MCTP1: variants seen among roughly 807,000 people sequenced by gnomAD.
MCTP1 encodes multiple C2 and transmembrane domain containing 1, also known as multiple C2 and transmembrane domain-containing protein 1.
A neutral mutation model predicts 120.6 loss-of-function variants in MCTP1; 69 were observed. That is an observed-to-expected ratio of 0.57 (90% confidence interval 0.47 to 0.70). MCTP1 has a LOEUF of 0.70. Ranked by LOEUF, MCTP1 falls within the 30% of genes least tolerant of loss-of-function variation. The pLI is 0.00. For missense variants in MCTP1, 1,203 were observed against 1,248.8 expected, an observed-to-expected ratio of 0.96 and a Z score of 0.55; for synonymous variants, 529 against 493.1, an observed-to-expected ratio of 1.07 and a Z score of -0.96.
chr5:95,283,773 C>G, intron 1 of MCTP1, 83 bp downstream of exon 1: 2 of 1,152,580 alleles, frequency 1.7e-6, no homozygotes, highest in South Asian at 6.0e-5. Context: ...CGGCCCCCGC[C>G]CCCCGCTCCC....
At chr5:95,268,892 G>A (rs1256651010) in intron 1 of MCTP1, among the ~76,000 whole-genome samples, 3 of 152,176 alleles carry the variant, frequency 2.0e-5, no homozygotes, top group Admixed American at 2.0e-4. Flanking sequence ...CCATCGCTGG[G>A]TCAGGGTCTG....
chr5:94,736,317 T>C (rs553828172), intron 19 of MCTP1, among the ~76,000 whole-genome samples: 7 of 152,092 alleles, frequency 4.6e-5, no homozygotes, highest in African/African-American at 1.7e-4. Flanking sequence ...AGTGAGAACC[T>C]GTCTGTATGA....
chr5:95,094,850 T>C (rs1562138333), intron 1 of MCTP1, among the ~76,000 whole-genome samples: 2 of 152,126 alleles, frequency 1.3e-5, no homozygotes, highest in East Asian at 3.9e-4. Flanking sequence ...TATACCAGAT[T>C]TTTTTTCTGA....
At chr5:94,968,660 T>C (rs558268131) in intron 2 of MCTP1, among the ~76,000 whole-genome samples, 8 of 152,358 alleles carry the variant, frequency 5.3e-5, no homozygotes, top group Admixed American at 5.2e-4. Context: ...GCCAGTGCTG[T>C]TTTGTTGCAA....
intron 1 of MCTP1, among the ~76,000 whole-genome samples, chr5:95,237,381 GAGTA>G (rs1755666337): frequency 1.3e-5 from 2 of 152,266 alleles, no homozygotes; most frequent in African/African-American, 4.8e-5. Context: ...AAAAATAACG[GAGTA>G]AGTAATAGAC....
At chr5:94,937,876 T>C (rs1816597847) in intron 5 of MCTP1, among the ~76,000 whole-genome samples, 1 of 152,058 alleles carries the variant, frequency 6.6e-6, no homozygotes, top group Non-Finnish European at 1.5e-5. Flanking sequence ...CCAGGAATAT[T>C]GCAAGTTTAG....
At chr5:94,824,444 G>T (rs1414664897) in intron 17 of MCTP1, among the ~76,000 whole-genome samples, 1 of 152,156 alleles carries the variant, frequency 6.6e-6, no homozygotes, top group African/African-American at 2.4e-5. Flanking sequence ...GATTCGTTTT[G>T]CCAGTATTTT....
chr5:95,108,247 C>T (rs1226816468), intron 1 of MCTP1, among the ~76,000 whole-genome samples: 3 of 152,182 alleles, frequency 2.0e-5, no homozygotes, highest in Admixed American at 6.5e-5. Flanking sequence ...TTGTCAATCT[C>T]CCTTCAAGTG....
intron 17 of MCTP1, among the ~76,000 whole-genome samples, chr5:94,842,617 A>G (rs1791373747): frequency 6.6e-6 from 1 of 152,232 alleles, no homozygotes; most frequent in Admixed American, 6.5e-5. Context: ...TTGCAATATG[A>G]TAAAGATAGA....
chr5:94,877,192 G>A (rs926724439), intron 12 of MCTP1, among the ~76,000 whole-genome samples: 5 of 151,996 alleles, frequency 3.3e-5, no homozygotes, highest in Admixed American at 2.6e-4. Flanking sequence ...GAAGGATAAT[G>A]ACATAAAAAG....
intron 3 of MCTP1, among the ~76,000 whole-genome samples, chr5:94,947,950 C>G (rs1253868089): frequency 6.6e-6 from 1 of 151,862 alleles, no homozygotes; most frequent in Non-Finnish European, 1.5e-5. Context: ...CTTTAAAGGC[C>G]TAACCCATCT....
At chr5:95,004,565 C>T (rs185379135) in intron 2 of MCTP1, among the ~76,000 whole-genome samples, 1 of 152,222 alleles carries the variant, frequency 6.6e-6, no homozygotes, top group Non-Finnish European at 1.5e-5. Flanking sequence ...TGTGCCACCT[C>T]AGGACATGGC....
At position 94,868,343 on chromosome 5, in the gene MCTP1, G is replaced by C; in HGVS notation, c.2426C>G (p.Ala809Gly). 1 of 1,600,036 alleles carries C rather than the reference G, an allele frequency of 6.2e-7. No individual in the cohort carries two copies. The highest frequency in any genetic ancestry group is 8.5e-7 in the Non-Finnish European group (1 of 1,174,176). The change falls in exon 17 of 23, where the codon GCT becomes GGT. Residue 809 changes from alanine (A) to glycine (G), a missense_variant. Transcript: ENST00000515393. ...FDWDSPPRSLAAFVLFLFVVW... is the reference protein window; with the variant it reads ...FDWDSPPRSLGAFVLFLFVVW... ...ACAGTATGATCATACCACAAAAGCA[G>C]CGAGACTCCTTGGGGGTGAATCCCA... is the stretch of plus-strand genomic sequence containing the variant.
intron 16 of MCTP1, among the ~76,000 whole-genome samples, chr5:94,868,686 C>A (rs1334753972): frequency 6.6e-6 from 1 of 151,792 alleles, no homozygotes; most frequent in Admixed American, 6.6e-5. Context: ...GTAGGTTGGA[C>A]TACCTTTGCT....
intron 17 of MCTP1, among the ~76,000 whole-genome samples, chr5:94,863,885 T>C (rs926755235): frequency 4.6e-5 from 7 of 151,784 alleles, no homozygotes; most frequent in African/African-American, 1.5e-4. Context: ...GCATACAACA[T>C]CTTTGTTTTT....
rs1763147528 is a variant in MCTP1, at chr5:94,731,639, G to T, written c.2611-16753C>A. Among the ~76,000 whole-genome samples, 3 of 152,174 alleles carry T rather than the reference G, an allele frequency of 2.0e-5. No individual in the cohort carries two copies. The South Asian group carries it at 6.2e-4, about 32-fold the overall frequency. On this transcript the variant is annotated intron_variant, in intron 19 of 22. Coordinates refer to ENST00000515393, the MANE Select transcript of MCTP1 (RefSeq NM_024717.7). ...ATCTGCTCTTCCTCAAACATACTGT[G>T]CAGAGTTGATAGAAATTATTTTGAA...
Position 94,791,090 on chromosome 5 carries a change from C to T in MCTP1, c.2556+7923G>A, listed in dbSNP as rs182703550. On this transcript the variant is annotated intron_variant, in intron 18 of 22. Coordinates refer to ENST00000515393, the MANE Select transcript of MCTP1 (RefSeq NM_024717.7). ...GAGTTCCAGACCAGCCTAGCCAATA[C>T]GGCGAAATCCCGTCTCTACTACAAA... Among the ~76,000 whole-genome samples the T allele has an allele frequency of 5.7e-3, 705 of 124,576 alleles. 4 individuals are homozygous for T. Among genetic ancestry groups the T allele is most frequent in the African/African-American group, 0.02 (652 of 32,796 alleles). 81.7% of individuals were successfully genotyped at this position (124,576 alleles called of 152,430 possible).
Position 94,870,450 on chromosome 5 carries a change from CT to C in MCTP1, c.2282del (p.Lys761SerfsTer15). The C allele has an allele frequency of 6.2e-7, 1 of 1,612,168 alleles. No individual in the cohort carries two copies. The highest frequency in any genetic ancestry group is 8.5e-7 in the Non-Finnish European group (1 of 1,178,530). Reference sequence around the variant, plus strand: ...AGAGTCTGTTTTCCTCTTCAATGTACTTCTGTTCTTTGGGTATTAATGTTCG... The same window carrying C: ...AGAGTCTGTTTTCCTCTTCAATGTACTCTGTTCTTTGGGTATTAATGTTCG... ...SLRTLIPKEQ[K>X]YIEEENRLSK... On this transcript the variant is annotated frameshift_variant, in exon 16 of 23. Coordinates refer to ENST00000515393, the MANE Select transcript of MCTP1 (RefSeq NM_024717.7). LOFTEE classifies it high-confidence loss of function.
chr5:95,274,733 C>T (rs1759683075), intron 1 of MCTP1, among the ~76,000 whole-genome samples: 1 of 152,016 alleles, frequency 6.6e-6, no homozygotes, highest in Non-Finnish European at 1.5e-5. Flanking sequence ...ATGCCATTCT[C>T]CTGCCTCAGA....
Sources: allele counts gnomAD v4.1 joint callset (sites outside exome capture counted in the v4.1 genomes callset), GRCh38; gene constraint gnomAD v4.1.1; transcripts MANE v1.5; gene names NCBI Gene and HGNC (gene_info 2026-07-23, HGNC 2026-07-21).